Variants in ZNF254 observed in about 807,000 individuals in gnomAD.
The protein encoded by ZNF254 is CTD-2017D11.1.
Under a neutral mutation model 12.4 loss-of-function variants are expected in ZNF254, and 10 were observed. That is an observed-to-expected ratio of 0.80 (90% confidence interval 0.50 to 1.36). The LOEUF (loss-of-function observed/expected upper bound fraction) is 1.36, where lower values mean the gene tolerates loss of function less well. ZNF254 is among the 40% of genes most tolerant of loss of function. ZNF254 has a pLI of 0.00. For missense variants in ZNF254, 996 were observed against 763.9 expected (o/e 1.30, Z -3.58); for synonymous variants, 305 against 253.4 (o/e 1.20, Z -1.93).
chr19:24,126,206 G>A (rs1489628800), intron 3 of ZNF254, 48 bp from the exon 4 acceptor site: 6 of 1,238,712 alleles, frequency 4.8e-6, no homozygotes, highest in Non-Finnish European at 6.3e-6. Context: ...CTATATTCAT[G>A]TGAGTCTAGT....
chr19:24,110,406 T>G (rs1417467207), intron 3 of ZNF254, among the ~76,000 whole-genome samples: 1 of 151,710 alleles, frequency 6.6e-6, no homozygotes, highest in Non-Finnish European at 1.5e-5. Flanking sequence ...ACAAACATTT[T>G]TTTTCTAAGA....
chr19:24,121,597 G>A (rs569309710), intron 3 of ZNF254, among the ~76,000 whole-genome samples: 59 of 151,778 alleles, frequency 3.9e-4, no homozygotes, highest in Middle Eastern at 6.8e-3. Flanking sequence ...TGCTCTTCTT[G>A]ACCAGGCTGG....
chr19:24,036,722 A>G (rs1437894355), intron 1 of ZNF254, among the ~76,000 whole-genome samples: 3 of 152,156 alleles, frequency 2.0e-5, no homozygotes, highest in Admixed American at 6.5e-5. Context: ...GGCTGTCACA[A>G]TGCACATTGT....
At chr19:24,087,111 T>G, upstream of ZNF254, 1 of 591,438 alleles carries the variant, frequency 1.7e-6, no homozygotes, top group Non-Finnish European at 3.0e-6. Context: ...GTTATCCAAC[T>G]AGGGACGTTG....
At chr19:24,074,715 C>G (rs1971598290) in intron 2 of ZNF254, among the ~76,000 whole-genome samples, 1 of 152,170 alleles carries the variant, frequency 6.6e-6, no homozygotes, top group South Asian at 2.1e-4. Flanking sequence ...ATCACTTGGC[C>G]CAGCACTTAT....
At chr19:24,067,775 T>C (rs1971330812) in intron 2 of ZNF254, among the ~76,000 whole-genome samples, 1 of 152,126 alleles carries the variant, frequency 6.6e-6, no homozygotes, top group Non-Finnish European at 1.5e-5. Flanking sequence ...ATGGGACTCT[T>C]TTCTCTTGCC....
chr19:24,125,724 C>A (rs767799009), intron 3 of ZNF254, among the ~76,000 whole-genome samples: 6 of 152,200 alleles, frequency 3.9e-5, no homozygotes, highest in Non-Finnish European at 8.8e-5. Flanking sequence ...TGTGGTACTG[C>A]AGTCTCTCTG....
Position 24,087,237 on chromosome 19 carries a change from G to C in ZNF254, c.-71G>C, listed in dbSNP as rs1257823965. 1 of 1,604,340 alleles carries C rather than the reference G, an allele frequency of 6.2e-7. No homozygotes were observed. Among genetic ancestry groups the C allele is most frequent in the Non-Finnish European group, 8.5e-7 (1 of 1,172,372 alleles). ...GTCCCAGGTCTGTCTTCACTGCTCT[G>C]TGTCCTCTGCTCCTAGAGGCCCAGC... On this transcript the variant is annotated 5_prime_UTR_variant, in exon 1 of 4. Coordinates refer to ENST00000357002, the MANE Select transcript of ZNF254 (RefSeq NM_203282.4).
chr19:24,052,968 G>A (rs577831836), intron 2 of ZNF254, among the ~76,000 whole-genome samples: 2 of 152,262 alleles, frequency 1.3e-5, no homozygotes, highest in South Asian at 2.1e-4. Context: ...GTGTAAAGTC[G>A]TCAAGAGGTA....
At chr19:24,033,763 G>T (rs928968647) in intron 1 of ZNF254, 1 of 204,054 alleles carries the variant, frequency 4.9e-6, no homozygotes, top group Non-Finnish European at 1.0e-5. Flanking sequence ...CCGCAAGATG[G>T]CGGCTGGGCC....
chr19:24,106,016 AT>A lies in ZNF254; in HGVS notation c.110del (p.Leu37TyrfsTer5), dbSNP rs1273057770. 1 of 1,599,662 alleles carries A rather than the reference AT, an allele frequency of 6.3e-7. No homozygotes were observed. Among genetic ancestry groups the A allele is most frequent in the Non-Finnish European group, 8.5e-7 (1 of 1,171,406 alleles). ...EWQHLDIAQQ[N>X]LYRNVMLENY... ...CAACACCTGGACATTGCACAGCAGA[AT>A]TTATATAGAAATGTGATGTTAGAGA... On this transcript the variant is annotated frameshift_variant, in exon 2 of 4. Coordinates refer to ENST00000357002, the MANE Select transcript of ZNF254 (RefSeq NM_203282.4). LOFTEE classifies it high-confidence loss of function.
intron 2 of ZNF254, among the ~76,000 whole-genome samples, chr19:24,061,955 C>T (rs558300300): frequency 7.9e-5 from 12 of 151,910 alleles, no homozygotes; most frequent in East Asian, 1.9e-4. Context: ...TATAGTGGCA[C>T]GTGCCTGTAA....
intron 2 of ZNF254, among the ~76,000 whole-genome samples, chr19:24,047,739 G>A (rs1970455612): frequency 6.7e-6 from 1 of 149,576 alleles, no homozygotes; most frequent in Non-Finnish European, 1.5e-5. Context: ...CCAGCCTGGA[G>A]TGCAATGGCG....
intron 1 of ZNF254, chr19:24,104,559 A>C (rs1278679569): frequency 1.3e-5 from 2 of 152,056 alleles, no homozygotes; most frequent in Admixed American, 1.3e-4. Context: ...CTCCCTAATA[A>C]GTTTTTCTTA....
At chr19:24,099,612 T>C (rs1285758063) in intron 1 of ZNF254, among the ~76,000 whole-genome samples, 1 of 152,220 alleles carries the variant, frequency 6.6e-6, no homozygotes, top group Non-Finnish European at 1.5e-5. Flanking sequence ...AACTACCTTC[T>C]GTCATGAAGA....
At chr19:24,075,223 A>AG (rs1971616227) in intron 2 of ZNF254, among the ~76,000 whole-genome samples, 1 of 151,712 alleles carries the variant, frequency 6.6e-6, no homozygotes, top group Non-Finnish European at 1.5e-5. Flanking sequence ...TTTTTGGGGG[A>AG]GGGGGTCTCA....
chr19:24,077,182 T>A (rs4522533), intron 2 of ZNF254, among the ~76,000 whole-genome samples: 22,737 of 152,218 alleles, frequency 0.15, 1,755 homozygotes, highest in Middle Eastern at 0.17. Flanking sequence ...TACTTATGAC[T>A]TGGAAGCCCC....
chr19:24,127,271 A>G lies in ZNF254; in HGVS notation c.1271A>G (p.His424Arg). 2.5e-6 allele frequency: 4 copies of G among 1,613,612 alleles called. No individual in the cohort carries two copies. In the African/African-American group the frequency reaches 4.0e-5, roughly 16 times the overall value. The change falls in exon 4 of 4, where the codon CAT (histidine) becomes CGT (arginine). Residue 424 changes from histidine to arginine, a missense_variant. By Grantham distance (29) the His-to-Arg change is conservative. Coordinates refer to ENST00000357002, the MANE Select transcript of ZNF254 (RefSeq NM_203282.4). ...AATCGATCTTCAAATCTTACTACAC[A>G]TAAGATAATTCATACTGGAGAGAAA... ...GFNRSSNLTT[H>R]KIIHTGEKPY...
chr19:24,041,624 G>A (rs7253714), intron 1 of ZNF254, among the ~76,000 whole-genome samples: 48,350 of 151,586 alleles, frequency 0.32, 9,115 homozygotes, highest in African/African-American at 0.55. Context: ...TGTGCGGCCC[G>A]AGCCTCCCCG....
Sources: allele counts gnomAD v4.1 joint callset (sites outside exome capture counted in the v4.1 genomes callset), GRCh38; gene constraint gnomAD v4.1.1; transcripts MANE v1.5; gene names NCBI Gene and HGNC (gene_info 2026-07-23, HGNC 2026-07-21).